BDP1: variants seen among roughly 807,000 people sequenced by gnomAD.
BDP1 encodes the protein transcription factor TFIIIB component B'' homolog.
Under a neutral mutation model 266.6 loss-of-function variants are expected in BDP1, and 169 were observed. That is an observed-to-expected ratio of 0.63 (90% CI 0.56 to 0.72). BDP1 has a LOEUF of 0.72. Among genes scored for constraint, BDP1 ranks in the 30% least tolerant of loss-of-function variants. BDP1 has a pLI of 0.00. For synonymous variants in BDP1, 1,090 were observed against 1,022.4 expected (o/e 1.07, Z -1.26); for missense variants, 3,015 against 3,053.8 (o/e 0.99, Z 0.30).
At chr5:71,530,448 T>A (rs1766170771) in intron 25 of BDP1, among the ~76,000 whole-genome samples, 1 of 152,082 alleles carries the variant, frequency 6.6e-6, no homozygotes, top group Non-Finnish European at 1.5e-5. Context: ...TTTACCATGT[T>A]GTCCAGGCTG....
chr5:71,539,300 C>T (rs1766815755), intron 27 of BDP1, among the ~76,000 whole-genome samples: 1 of 152,128 alleles, frequency 6.6e-6, no homozygotes, highest in African/African-American at 2.4e-5. Context: ...TCTGGATCTT[C>T]ACAAATGGGA....
At chr5:71,469,891 G>C (rs1049952258) in intron 6 of BDP1, among the ~76,000 whole-genome samples, 4 of 148,752 alleles carry the variant, frequency 2.7e-5, no homozygotes, top group East Asian at 3.9e-4. Context: ...GCCCAGGTTG[G>C]AGTGCAATGG....
At chr5:71,526,211 CG>C (rs1765861084) in intron 25 of BDP1, among the ~76,000 whole-genome samples, 1 of 152,184 alleles carries the variant, frequency 6.6e-6, no homozygotes, top group Non-Finnish European at 1.5e-5. Context: ...CCGAGGCTGG[CG>C]GATCACTCGC....
chr5:71,540,778 A>C (rs1201177967), intron 28 of BDP1, among the ~76,000 whole-genome samples: 1 of 152,150 alleles, frequency 6.6e-6, no homozygotes, highest in Admixed American at 6.5e-5. Flanking sequence ...CTCTACAAAA[A>C]ATACAAAAAA....
In BDP1 at chr5:71,544,501, C is replaced by A; in HGVS notation, c.6557C>A (p.Thr2186Asn). The A allele has an allele frequency of 6.2e-7, 1 of 1,610,182 alleles. No homozygotes were observed. Among genetic ancestry groups the A allele is most frequent in the Non-Finnish European group, 8.5e-7 (1 of 1,178,828 alleles). ...AGTATTTCTTCAGAAGTAAACCTAA[C>A]TGAAAGGTAAAAGAGTGAAGAGGTT... is the stretch of plus-strand genomic sequence containing the variant. Reference protein sequence around the residue: ...GTSISSEVNLTERNENQEESS... With the variant: ...GTSISSEVNLNERNENQEESS... The change falls in exon 31 of 39, where the codon ACT becomes AAT. Residue 2186 changes from threonine (T) to asparagine (N), a missense_variant. Thr to Asn is a moderately conservative substitution (Grantham distance 65, BLOSUM62 0). Transcript: ENST00000358731.
rs60403720 is a variant in BDP1 at position 71,509,450 on chromosome 5, CT to C, written c.2373-5del. ...GGTTTAAAACTTGATTGTGTGCCCC[CT>C]TTTTTTTTTATAGCGTTCAAGAGAA... On this transcript the variant is annotated splice_polypyrimidine_tract_variant and intron_variant, in intron 16 of 38. Transcript: ENST00000358731. 364,861 of 1,216,824 alleles carry C rather than the reference CT, an allele frequency of 0.3. 42,348 individuals are homozygous for C. Among genetic ancestry groups the C allele is most frequent in the Admixed American group, 0.36 (13,205 of 36,576 alleles). 75.4% of individuals were successfully genotyped at this position (1,216,824 alleles called of 1,614,324 possible).
At chr5:71,473,386 T>G (rs1399136344) in intron 7 of BDP1, among the ~76,000 whole-genome samples, 1 of 147,344 alleles carries the variant, frequency 6.8e-6, no homozygotes, top group African/African-American at 2.5e-5. Flanking sequence ...GCCCTTCTCC[T>G]GCCTCAGCCT....
intron 7 of BDP1, among the ~76,000 whole-genome samples, chr5:71,471,864 A>G (rs1049074567): frequency 3.3e-5 from 5 of 152,224 alleles, no homozygotes; most frequent in African/African-American, 1.2e-4. Context: ...TAAATTAGGC[A>G]TGGATTGTCT....
intron 24 of BDP1, among the ~76,000 whole-genome samples, chr5:71,523,666 A>T (rs1561747573): frequency 6.6e-6 from 1 of 152,092 alleles, no homozygotes; most frequent in Non-Finnish European, 1.5e-5. Flanking sequence ...TTTTGTGTTT[A>T]TTTTATCTTC....
In BDP1 at chr5:71,495,368, T is replaced by G. The variant is rs1763821558; in HGVS notation, c.1759T>G (p.Cys587Gly). 1 of 1,589,068 alleles carries G rather than the reference T, an allele frequency of 6.3e-7. No individual in the cohort carries two copies. ...LCEVNNAEGS[C>G]IEERNVDLKN... ...TGAGGTGAATAATGCTGAGGGTAGT[T>G]GTATAGAAGAAAGAAATGTTGACCT... Residue 587 changes from cysteine to glycine, a missense_variant, in exon 12 of 39, where the codon TGT (cysteine) becomes GGT (glycine). Cys to Gly is a radical substitution (Grantham distance 159). This residue lies in a region of BDP1 where 2,383 missense variants were observed against 2,404.9 expected (regional missense o/e 0.99). Transcript: ENST00000358731.
At chr5:71,488,384 C>T (rs955393411) in intron 9 of BDP1, among the ~76,000 whole-genome samples, 1 of 151,628 alleles carries the variant, frequency 6.6e-6, no homozygotes, top group African/African-American at 2.4e-5. Flanking sequence ...ACCTTGGCCT[C>T]CCAAAGTACT....
At chr5:71,467,981 C>T (rs1762003743) in intron 6 of BDP1, among the ~76,000 whole-genome samples, 1 of 152,124 alleles carries the variant, frequency 6.6e-6, no homozygotes, top group Non-Finnish European at 1.5e-5. Flanking sequence ...GCTGGCACTA[C>T]AGGCGTGTGC....
intron 7 of BDP1, among the ~76,000 whole-genome samples, chr5:71,478,325 C>T (rs923069427): frequency 1.1e-4 from 17 of 152,092 alleles, no homozygotes; most frequent in African/African-American, 4.1e-4. Flanking sequence ...AGTCTTTTGT[C>T]TTTTAAGGAA....
At chr5:71,486,970 A>AT (rs1006266864) in intron 9 of BDP1, among the ~76,000 whole-genome samples, 1 of 152,180 alleles carries the variant, frequency 6.6e-6, no homozygotes, top group Non-Finnish European at 1.5e-5. Flanking sequence ...AAATTCTAGG[A>AT]TTAAAAAAAG....
At chr5:71,530,645 A>G (rs1013864221) in intron 25 of BDP1, among the ~76,000 whole-genome samples, 1 of 152,120 alleles carries the variant, frequency 6.6e-6, no homozygotes, top group African/African-American at 2.4e-5. Flanking sequence ...TCAGCCTCCG[A>G]GTAGCTAGAA....
chr5:71,470,146 C>T (rs780982798), intron 6 of BDP1, among the ~76,000 whole-genome samples: 4 of 152,036 alleles, frequency 2.6e-5, no homozygotes, highest in Non-Finnish European at 5.9e-5. Context: ...CGGCCCTGGT[C>T]TCTAACTCTT....
chr5:71,455,709 A>G lies in BDP1; in HGVS notation c.-169A>G. On this transcript the variant is annotated 5_prime_UTR_variant, in exon 1 of 39. Transcript: ENST00000358731. ...GTCATGAAAAAGCGGCGGCGGCGGG[A>G]GAGAGGAGGAGGCGGCGGCGGGGCA... The G allele has an allele frequency of 1.6e-6, 1 of 620,586 alleles. No individual in the cohort carries two copies. The highest frequency in any genetic ancestry group is 1.9e-5 in the South Asian group (1 of 51,348). 38.4% of individuals were successfully genotyped at this position (620,586 alleles called of 1,614,324 possible).
chr5:71,467,586 A>G, intron 6 of BDP1, 99 bp downstream of exon 6: 2 of 990,084 alleles, frequency 2.0e-6, no homozygotes, highest in Non-Finnish European at 3.0e-6. Flanking sequence ...TAAAATGCAA[A>G]CTACCATTTT....
rs1192350732 is a variant in BDP1, at chr5:71,510,876, A to G, written c.3784A>G (p.Ile1262Val). 5 of 1,613,768 alleles carry G rather than the reference A, an allele frequency of 3.1e-6. No homozygotes were observed. Among genetic ancestry groups the G allele is most frequent in the Admixed American group, 3.3e-5 (2 of 59,986 alleles). ...IDLKETGKRD[I>V]PIMEKVSGKM... ...TTTGAAAGAAACTGGAAAAAGAGAC[A>G]TTCCCATCATGGAGAAAGTATCAGG... is the stretch of plus-strand genomic sequence containing the variant. The change falls in exon 17 of 39, where the codon ATT becomes GTT. Residue 1262 changes from isoleucine (I) to valine (V), a missense_variant. Ile to Val is a conservative substitution (Grantham distance 29, BLOSUM62 3). Transcript: ENST00000358731.
Sources: allele counts gnomAD v4.1 joint callset (sites outside exome capture counted in the v4.1 genomes callset), GRCh38; gene constraint gnomAD v4.1.1; regional missense constraint gnomAD v4.1.1; transcripts MANE v1.5; gene names NCBI Gene and HGNC (gene_info 2026-07-23, HGNC 2026-07-21).